DPP10: variants seen among roughly 807,000 people sequenced by gnomAD.
DPP10 encodes the protein dipeptidyl peptidase like 10.
DPP10 carries 33 observed loss-of-function variants against 120.9 expected under a neutral mutation model. The observed-to-expected ratio is 0.27, with a 90% CI of 0.21 to 0.37. DPP10 has a LOEUF of 0.37. Among genes scored for constraint, DPP10 ranks in the 10% least tolerant of loss-of-function variants. The pLI is 1.00. For missense variants in DPP10, 816 were observed against 942.8 expected (o/e 0.87, Z 1.76); for synonymous variants, 337 against 326.1 (o/e 1.03, Z -0.36).
rs533737933 is a variant in DPP10 at position 115,800,326 on chromosome 2, T to C, written c.1700+8970T>C. 2.6e-5 allele frequency among the ~76,000 whole-genome samples: 4 copies of C among 152,182 alleles called. No individual in the cohort carries two copies. In the South Asian group the frequency reaches 6.2e-4, roughly 24 times the overall value. ...ATTTGTTTGAGTTCATTGTAGATTC[T>C]GGATATTAGCCCTTTGTCAGATGAG... On this transcript the variant is annotated intron_variant, in intron 19 of 25. Transcript: ENST00000410059.
chr2:114,607,617 C>T (rs1034667124), intron 1 of DPP10, among the ~76,000 whole-genome samples: 3 of 152,174 alleles, frequency 2.0e-5, no homozygotes, highest in Admixed American at 2.0e-4. Context: ...TCCTTCACAG[C>T]ATTTACTGAG....
At chr2:114,594,772 A>G (rs1464728868) in intron 1 of DPP10, among the ~76,000 whole-genome samples, 3 of 152,002 alleles carry the variant, frequency 2.0e-5, no homozygotes, top group Non-Finnish European at 4.4e-5. Context: ...TGAATTTTCT[A>G]TAAATTCATT....
chr2:115,335,422 A>C (rs2063064786), intron 2 of DPP10, among the ~76,000 whole-genome samples: 1 of 152,044 alleles, frequency 6.6e-6, no homozygotes, highest in Non-Finnish European at 1.5e-5. Flanking sequence ...ATAAGTTAGG[A>C]AACATTAAGA....
chr2:115,450,098 A>T lies in DPP10; in HGVS notation c.272-49412A>T, dbSNP rs531302735. ...GGTGAGTTTATGTCCCAATTAGCCC[A>T]TCATAAGTTGAGAATATCATAAGTC... On this transcript the variant is annotated intron_variant, in intron 3 of 25. Coordinates refer to ENST00000410059, the MANE Select transcript of DPP10 (RefSeq NM_020868.6). Among the ~76,000 whole-genome samples the T allele has an allele frequency of 4.1e-4, 62 of 152,096 alleles. 1 individual carries two copies. Among genetic ancestry groups the T allele is most frequent in the African/African-American group, 1.4e-3 (59 of 41,548 alleles).
chr2:115,158,964 A>G (rs2052099281), intron 1 of DPP10, among the ~76,000 whole-genome samples: 1 of 152,002 alleles, frequency 6.6e-6, no homozygotes, highest in South Asian at 2.1e-4. Flanking sequence ...TTGCAAGGTA[A>G]TTAACTTATC....
rs942769098 is a variant in DPP10, at chr2:115,139,889, T to C, written c.61-169350T>C. ...TGTGCTTCTTTGCCCCAAACAGTCATAGGGCAGAAGGTCTAAGCTTTAGAA... is the reference window on the plus strand; with the variant it reads ...TGTGCTTCTTTGCCCCAAACAGTCACAGGGCAGAAGGTCTAAGCTTTAGAA... On this transcript the variant is annotated intron_variant, in intron 1 of 25. Coordinates refer to ENST00000410059, the MANE Select transcript of DPP10 (RefSeq NM_020868.6). Among the ~76,000 whole-genome samples, 20 of 152,190 alleles carry C rather than the reference T, an allele frequency of 1.3e-4. No individual in the cohort carries two copies. The East Asian group carries it at 2.3e-3, about 18-fold the overall frequency.
intron 1 of DPP10, among the ~76,000 whole-genome samples, chr2:115,036,085 G>A (rs1573386943): frequency 6.6e-6 from 1 of 152,170 alleles, no homozygotes; most frequent in African/African-American, 2.4e-5. Flanking sequence ...GTTCTGCATG[G>A]CTGGGAGGCC....
intron 1 of DPP10, among the ~76,000 whole-genome samples, chr2:115,073,879 C>T (rs1707573235): frequency 6.6e-6 from 1 of 152,174 alleles, no homozygotes; most frequent in South Asian, 2.1e-4. Context: ...TTTTTATACT[C>T]ATTTGTGCTC....
chr2:115,726,571 C>A (rs2092770250), intron 7 of DPP10, among the ~76,000 whole-genome samples: 1 of 152,094 alleles, frequency 6.6e-6, no homozygotes, highest in African/African-American at 2.4e-5. Flanking sequence ...GCAGTACCCT[C>A]CTTTCATTGT....
chr2:115,536,172 A>C (rs572863947), intron 5 of DPP10, among the ~76,000 whole-genome samples: 47 of 152,022 alleles, frequency 3.1e-4, no homozygotes, highest in Non-Finnish European at 6.5e-4. Context: ...TTTAGAGAAA[A>C]CCACTGTTAA....
At chr2:114,455,303 G>C (rs1293253117) in intron 1 of DPP10, among the ~76,000 whole-genome samples, 1 of 152,092 alleles carries the variant, frequency 6.6e-6, no homozygotes, top group Non-Finnish European at 1.5e-5. Context: ...CCAGCACTTA[G>C]GGAGGCCAAG....
chr2:114,528,888 C>T (rs1404634422), intron 1 of DPP10, among the ~76,000 whole-genome samples: 1 of 151,976 alleles, frequency 6.6e-6, no homozygotes, highest in African/African-American at 2.4e-5. Context: ...TTCCTCTTTA[C>T]ATATGGACAA....
At chr2:115,281,199 C>CTAATG (rs1175489298) in intron 1 of DPP10, among the ~76,000 whole-genome samples, 9 of 152,136 alleles carry the variant, frequency 5.9e-5, no homozygotes, top group Non-Finnish European at 1.3e-4. Context: ...GAAATAGGTA[C>CTAATG]CTTAATGAGG....
At chr2:114,548,505 CT>C in intron 1 of DPP10, among the ~76,000 whole-genome samples, 1 of 152,168 alleles carries the variant, frequency 6.6e-6, no homozygotes, top group South Asian at 2.1e-4. Flanking sequence ...TAGTTACAGG[CT>C]GCTTGTGAGG....
At chr2:115,234,200 CCT>C (rs989071805) in intron 1 of DPP10, among the ~76,000 whole-genome samples, 1 of 151,976 alleles carries the variant, frequency 6.6e-6, no homozygotes. Flanking sequence ...GCTCTCTCTC[CCT>C]CTCTCTCCTT....
intron 5 of DPP10, among the ~76,000 whole-genome samples, chr2:115,615,640 C>T (rs998227438): frequency 6.6e-6 from 1 of 152,006 alleles, no homozygotes; most frequent in Non-Finnish European, 1.5e-5. Flanking sequence ...CTATTAAATA[C>T]AAAACTAGAG....
chr2:115,250,202 G>A (rs1053047360), intron 1 of DPP10, among the ~76,000 whole-genome samples: 3 of 152,050 alleles, frequency 2.0e-5, no homozygotes, highest in African/African-American at 7.2e-5. Context: ...GATTCTACAA[G>A]TGTTGTACAT....
chr2:115,313,889 T>C (rs905699875), intron 2 of DPP10, among the ~76,000 whole-genome samples: 6 of 152,178 alleles, frequency 3.9e-5, no homozygotes, highest in African/African-American at 1.4e-4. Context: ...GCCTACATTA[T>C]TTTTTCTATT....
intron 1 of DPP10, among the ~76,000 whole-genome samples, chr2:115,067,496 C>T (rs1172963993): frequency 6.7e-6 from 1 of 150,266 alleles, no homozygotes; most frequent in East Asian, 2.1e-4. Flanking sequence ...TCGTGATCCC[C>T]CCGCCTCGGC....
Sources: gnomAD v4.1 joint callset for allele counts (sites outside exome capture counted in the v4.1 genomes callset) on GRCh38, gnomAD v4.1.1 for gene constraint, MANE v1.5 for transcripts, NCBI Gene and HGNC (gene_info 2026-07-23, HGNC 2026-07-21) for gene names.